RALGPS1: variants seen among roughly 807,000 people sequenced by gnomAD.
RALGPS1 encodes the protein Ral GEF with PH domain and SH3 binding motif 1, also known as ras-specific guanine nucleotide-releasing factor RalGPS1.
RALGPS1 carries 19 observed loss-of-function variants against 78.8 expected under a neutral mutation model. The observed-to-expected ratio is 0.24, with a 90% CI of 0.17 to 0.35. The LOEUF is 0.35. RALGPS1 is among the 10% of genes least tolerant of loss of function. The pLI is 1.00. For missense variants in RALGPS1, 454 were observed against 688.3 expected, an observed-to-expected ratio of 0.66 and a Z score of 3.81; for synonymous variants, 228 against 256.3, an observed-to-expected ratio of 0.89 and a Z score of 1.06.
intron 8 of RALGPS1, among the ~76,000 whole-genome samples, chr9:127,078,237 T>C (rs2050852090): frequency 6.6e-6 from 1 of 152,228 alleles, no homozygotes; most frequent in Admixed American, 6.5e-5. Context: ...ACATTTTGTT[T>C]CAAATCTCTC....
chr9:126,933,495 C>T (rs932510524), intron 1 of RALGPS1, among the ~76,000 whole-genome samples: 1 of 152,154 alleles, frequency 6.6e-6, no homozygotes, highest in South Asian at 2.1e-4. Flanking sequence ...ACTGAGGTTG[C>T]CAGAGAAGGG....
chr9:126,917,605 A>G (rs2034304221), intron 1 of RALGPS1, among the ~76,000 whole-genome samples: 1 of 152,206 alleles, frequency 6.6e-6, no homozygotes. Context: ...TTGTAAAGCA[A>G]GGATAACCAT....
At chr9:127,208,572 C>T (rs2062060868) in intron 14 of RALGPS1, among the ~76,000 whole-genome samples, 2 of 152,060 alleles carry the variant, frequency 1.3e-5, no homozygotes, top group Admixed American at 6.5e-5. Context: ...TTACACAAAG[C>T]TTCGGTGGCA....
intron 11 of RALGPS1, among the ~76,000 whole-genome samples, chr9:127,190,353 G>T (rs538188029): frequency 2.0e-5 from 3 of 152,166 alleles, no homozygotes; most frequent in African/African-American, 7.2e-5. Flanking sequence ...TTTGAGACAG[G>T]GTCTCAGTTG....
chr9:127,178,007 C>G, intron 11 of RALGPS1: 1 of 1,532,606 alleles, frequency 6.5e-7, no homozygotes, highest in Non-Finnish European at 8.8e-7. Context: ...TGAACAGAAC[C>G]AATAAAGCAT....
chr9:127,029,178 C>T (rs747337906), intron 4 of RALGPS1, among the ~76,000 whole-genome samples: 2 of 152,116 alleles, frequency 1.3e-5, no homozygotes, highest in African/African-American at 2.4e-5. Context: ...CTGAAGGACA[C>T]GCCAGCCATT....
intron 1 of RALGPS1, among the ~76,000 whole-genome samples, chr9:126,957,860 TGTG>T (rs992902008): frequency 1.9e-4 from 29 of 151,890 alleles, no homozygotes; most frequent in African/African-American, 6.3e-4. Flanking sequence ...CCTGGATAAG[TGTG>T]GTGACTCATG....
intron 11 of RALGPS1, among the ~76,000 whole-genome samples, chr9:127,182,793 A>C (rs1416245542): frequency 6.6e-6 from 1 of 152,168 alleles, no homozygotes. Flanking sequence ...CAAATGTACT[A>C]ATACAGAAAA....
chr9:126,962,445 G>A, intron 2 of RALGPS1, 99 bp downstream of exon 2: 1 of 1,215,504 alleles, frequency 8.2e-7, no homozygotes, highest in South Asian at 1.3e-5. Context: ...GTAGGGCTCT[G>A]TGAATACCAC....
chr9:127,153,890 CAAG>C (rs1419684411), intron 8 of RALGPS1, among the ~76,000 whole-genome samples: 1 of 152,192 alleles, frequency 6.6e-6, no homozygotes, highest in East Asian at 1.9e-4. Context: ...GGATGGGTCT[CAAG>C]GAGGTGACCG....
intron 7 of RALGPS1, among the ~76,000 whole-genome samples, chr9:127,058,135 A>T (rs2048897730): frequency 6.6e-6 from 1 of 152,200 alleles, no homozygotes; most frequent in South Asian, 2.1e-4. Context: ...AAAGCCCTGC[A>T]CAGGAATCAG....
rs896853703 is a variant in RALGPS1, at chr9:126,914,958, A to G, written c.-83A>G. 8 of 151,166 alleles carry G rather than the reference A, an allele frequency of 5.3e-5. No homozygotes were observed. The highest frequency in any genetic ancestry group is 1.9e-4 in the African/African-American group (8 of 41,168). 9.4% of individuals were successfully genotyped at this position (151,166 alleles called of 1,614,324 possible). A position where few individuals can be genotyped will look rare whatever the true frequency, so the allele number is the denominator to read the frequency against. On this transcript the variant is annotated 5_prime_UTR_variant, in exon 1 of 19. Coordinates refer to ENST00000259351, the MANE Select transcript of RALGPS1 (RefSeq NM_014636.3). Reference sequence around the variant, plus strand: ...GGGCCATGAGGAAGCGGCGGCAGCCACTGCGGCCCGCGTCAAGGTGACCGG... The same window carrying G: ...GGGCCATGAGGAAGCGGCGGCAGCCGCTGCGGCCCGCGTCAAGGTGACCGG...
At chr9:126,951,489 C>G (rs1442618499) in intron 1 of RALGPS1, among the ~76,000 whole-genome samples, 1 of 151,436 alleles carries the variant, frequency 6.6e-6, no homozygotes, top group African/African-American at 2.4e-5. Flanking sequence ...TGGGCTTCAT[C>G]CCTGGGATGC....
chr9:127,127,406 C>T (rs1229035318), intron 8 of RALGPS1, among the ~76,000 whole-genome samples: 2 of 152,166 alleles, frequency 1.3e-5, no homozygotes, highest in Admixed American at 6.5e-5. Context: ...AACTCCATAT[C>T]CCAATGAATT....
intron 8 of RALGPS1, chr9:127,107,888 A>G (rs1194271374): frequency 2.0e-6 from 3 of 1,515,436 alleles, no homozygotes; most frequent in South Asian, 1.3e-5. Flanking sequence ...TGAGACCCAC[A>G]TGTAACACGA....
intron 8 of RALGPS1, among the ~76,000 whole-genome samples, chr9:127,123,166 T>A (rs368400273): frequency 1.3e-5 from 2 of 152,212 alleles, no homozygotes; most frequent in African/African-American, 4.8e-5. Context: ...CGTGGAGGCC[T>A]CATTCTCATC....
chr9:126,950,877 G>A, intron 1 of RALGPS1, among the ~76,000 whole-genome samples: 1 of 151,336 alleles, frequency 6.6e-6, no homozygotes. Context: ...ATGAATCCAG[G>A]AGCTGGTTTT....
At chr9:127,031,693 A>G (rs988862108) in intron 4 of RALGPS1, among the ~76,000 whole-genome samples, 2 of 152,236 alleles carry the variant, frequency 1.3e-5, no homozygotes, top group East Asian at 1.9e-4. Context: ...AGAGCAAGAT[A>G]TTTTGGCTCA....
intron 8 of RALGPS1, among the ~76,000 whole-genome samples, chr9:127,136,579 A>G (rs1266074693): frequency 6.6e-6 from 1 of 152,100 alleles, no homozygotes; most frequent in Non-Finnish European, 1.5e-5. Flanking sequence ...TGGAACAGCA[A>G]TTAAAACAGT....
Sources: allele counts gnomAD v4.1 joint callset (sites outside exome capture counted in the v4.1 genomes callset), GRCh38; gene constraint gnomAD v4.1.1; transcripts MANE v1.5; gene names NCBI Gene and HGNC (gene_info 2026-07-23, HGNC 2026-07-21).